The following ARHGEF7 variants were observed in gnomAD, a reference collection of about 807,000 sequenced individuals.
ARHGEF7 encodes PAK-interacting exchange factor beta.
In ARHGEF7, 33 loss-of-function variants were observed where a neutral mutation model predicts 109.8. The observed-to-expected ratio is 0.30, with a 90% CI of 0.23 to 0.40. The LOEUF (loss-of-function observed/expected upper bound fraction) is 0.40, where lower values mean the gene tolerates loss of function less well. ARHGEF7 is among the 10% of genes least tolerant of loss of function. The probability of loss-of-function intolerance (pLI) is 1.00; values close to 1 mark genes in which losing one functional copy is unlikely to be tolerated. For synonymous variants in ARHGEF7, 458 were observed against 424.6 expected, an observed-to-expected ratio of 1.08 and a Z score of -0.97; for missense variants, 938 against 1,098.5, an observed-to-expected ratio of 0.85 and a Z score of 2.07.
chr13:111,241,435 G>T, intron 6 of ARHGEF7: 1 of 1,325,546 alleles, frequency 7.5e-7, no homozygotes, highest in Admixed American at 2.2e-5. Flanking sequence ...GCCAGGCCTG[G>T]CTGTGTGTTT....
intron 1 of ARHGEF7, chr13:111,144,597 A>G (rs1447082632): frequency 6.6e-6 from 1 of 152,254 alleles, no homozygotes; most frequent in Non-Finnish European, 1.5e-5. Flanking sequence ...ATTAGAATAA[A>G]GCAGTGACTA....
intron 19 of ARHGEF7, among the ~76,000 whole-genome samples, chr13:111,299,846 C>T (rs189038297): frequency 1.3e-5 from 2 of 152,244 alleles, no homozygotes; most frequent in Non-Finnish European, 2.9e-5. Flanking sequence ...ATGAGTGTCC[C>T]TTCTTCATGG....
chr13:111,136,144 G>A (rs2075074593), intron 1 of ARHGEF7, among the ~76,000 whole-genome samples: 1 of 152,158 alleles, frequency 6.6e-6, no homozygotes, highest in Non-Finnish European at 1.5e-5. Flanking sequence ...CAGGGATGAA[G>A]CCCACTTGAT....
In ARHGEF7 at chr13:111,258,817, G is replaced by A. The variant is rs753805349; in HGVS notation, c.951-8731G>A. ...GGCCTTGGCTGTTAGACATGATTTC[G>A]GGACCTGCTGTGGGCTAGAAGGCAG... is the stretch of plus-strand genomic sequence containing the variant. On this transcript the variant is annotated intron_variant, in intron 8 of 21. Coordinates refer to ENST00000646102, the MANE Select transcript of ARHGEF7 (RefSeq NM_001354046.2). This position sits in a 1 kb window ranked among gnomAD's most constrained non-coding sequence, Gnocchi z 4.4. Among the ~76,000 whole-genome samples the A allele has an allele frequency of 6.6e-6, 1 of 152,054 alleles. No homozygotes were observed. The highest frequency in any genetic ancestry group is 2.1e-4 in the South Asian group (1 of 4,824).
In ARHGEF7 at chr13:111,255,262, A is replaced by T. The variant is rs2090281869; in HGVS notation, c.950+10968A>T. Among the ~76,000 whole-genome samples, 1 of 152,118 alleles carries T rather than the reference A, an allele frequency of 6.6e-6. No homozygotes were observed. The highest frequency in any genetic ancestry group is 2.1e-4 in the South Asian group (1 of 4,832). On this transcript the variant is annotated intron_variant, in intron 8 of 21. Coordinates refer to ENST00000646102, the MANE Select transcript of ARHGEF7 (RefSeq NM_001354046.2). The surrounding 1 kb of genome is among the most constrained non-coding windows in gnomAD (Gnocchi z 4.1). ...GGGTTGCTGTGCATTTCAGTTGGAG[A>T]TGTCACAGGGGAGGGTGGAAGCGGA... is the stretch of plus-strand genomic sequence containing the variant.
chr13:111,187,388 A>G (rs1311339353), intron 2 of ARHGEF7, among the ~76,000 whole-genome samples: 1 of 152,168 alleles, frequency 6.6e-6, no homozygotes, highest in African/African-American at 2.4e-5. Flanking sequence ...ACCGTTCCTG[A>G]AACTGTGGCG....
chr13:111,152,125 T>C (rs890785364), intron 1 of ARHGEF7, among the ~76,000 whole-genome samples: 4 of 152,208 alleles, frequency 2.6e-5, no homozygotes, highest in Non-Finnish European at 5.9e-5. Context: ...AGCATAAAAA[T>C]AGACTATATG....
At chr13:111,170,361 G>A (rs1403525242) in intron 2 of ARHGEF7, among the ~76,000 whole-genome samples, 1 of 152,258 alleles carries the variant, frequency 6.6e-6, no homozygotes, top group East Asian at 1.9e-4. Flanking sequence ...GCCTCCCAAA[G>A]TGCTGGGATT....
chr13:111,180,846 T>A (rs533511053), intron 2 of ARHGEF7, among the ~76,000 whole-genome samples: 34 of 152,374 alleles, frequency 2.2e-4, no homozygotes, highest in Non-Finnish European at 1.2e-4. Flanking sequence ...GAATTTTTAA[T>A]ACGTGTGTTT....
intron 2 of ARHGEF7, among the ~76,000 whole-genome samples, chr13:111,162,682 G>A (rs557972468): frequency 6.6e-6 from 1 of 152,340 alleles, no homozygotes; most frequent in Admixed American, 6.5e-5. Context: ...CATCTTCCCT[G>A]TGTATTTCTG....
At chr13:111,294,232 G>C (rs1254207282) in intron 19 of ARHGEF7, 5 of 985,244 alleles carry the variant, frequency 5.1e-6, no homozygotes, top group Non-Finnish European at 6.0e-6. Flanking sequence ...AAGCGATTTT[G>C]GTTTTGTATT....
chr13:111,298,440 G>A (rs1033389315), intron 19 of ARHGEF7, among the ~76,000 whole-genome samples: 1 of 152,116 alleles, frequency 6.6e-6, no homozygotes, highest in African/African-American at 2.4e-5. Flanking sequence ...CGTTAGCCAG[G>A]AAGGGCCCAC....
intron 19 of ARHGEF7, chr13:111,294,855 C>T: frequency 1.0e-6 from 1 of 985,762 alleles, no homozygotes; most frequent in Non-Finnish European, 1.2e-6. Context: ...TTGCAAATGG[C>T]CTAAATGGTG....
intron 1 of ARHGEF7, among the ~76,000 whole-genome samples, chr13:111,149,398 G>C (rs1274707664): frequency 1.3e-5 from 2 of 152,060 alleles, no homozygotes; most frequent in East Asian, 3.8e-4. Flanking sequence ...AAAAATCATA[G>C]CAATTAGATT....
chr13:111,247,203 A>G (rs920139492), intron 8 of ARHGEF7, among the ~76,000 whole-genome samples: 2 of 151,726 alleles, frequency 1.3e-5, no homozygotes, highest in Non-Finnish European at 2.9e-5. Flanking sequence ...TTTTTGTCCT[A>G]TATGTGAAAT....
At chr13:111,295,273 G>A in intron 19 of ARHGEF7, 1 of 881,430 alleles carries the variant, frequency 1.1e-6, no homozygotes, top group Non-Finnish European at 1.4e-6. Context: ...TCTTCTACCT[G>A]AACGGAACAT....
chr13:111,278,993 C>G (rs2092638987), intron 13 of ARHGEF7, among the ~76,000 whole-genome samples: 1 of 152,174 alleles, frequency 6.6e-6, no homozygotes, highest in Admixed American at 6.5e-5. Context: ...GTCTCTGTAT[C>G]ATTGGTATCC....
intron 21 of ARHGEF7, among the ~76,000 whole-genome samples, chr13:111,302,751 A>C (rs1273287817): frequency 1.3e-5 from 2 of 152,138 alleles, no homozygotes; most frequent in Non-Finnish European, 2.9e-5. Context: ...TCATTCATGG[A>C]CTTAATAAGA....
chr13:111,300,730 A>T lies in ARHGEF7; in HGVS notation c.2312-18A>T. The T allele has an allele frequency of 6.4e-7, 1 of 1,554,080 alleles. No homozygotes were observed. The highest frequency in any genetic ancestry group is 8.8e-7 in the Non-Finnish European group (1 of 1,140,762). On this transcript the variant is annotated intron_variant, in intron 19 of 21. Transcript: ENST00000646102. ...GGTATTCGCCTGAGGTTTATTTATT[A>T]TTTTTTCATGATCCTAGGTTCACGC...
Sources: gnomAD v4.1 joint callset for allele counts (sites outside exome capture counted in the v4.1 genomes callset) on GRCh38, gnomAD v4.1.1 for gene constraint, Gnocchi (gnomAD v3.1) non-coding constraint, MANE v1.5 for transcripts, NCBI Gene and HGNC (gene_info 2026-07-23, HGNC 2026-07-21) for gene names.